Variants in EVC2 observed in about 807,000 individuals in gnomAD.
EVC2 encodes the protein EvC ciliary complex subunit 2.
A neutral mutation model predicts 149.3 loss-of-function variants in EVC2; 148 were observed. The observed-to-expected ratio is 0.99, with a 90% CI of 0.87 to 1.14. The LOEUF (loss-of-function observed/expected upper bound fraction) is 1.14. Ranked by LOEUF, EVC2 falls within the 50% of genes most tolerant of loss-of-function variation. The probability of loss-of-function intolerance (pLI) is 0.00; values close to 1 mark genes in which losing one functional copy is unlikely to be tolerated. For synonymous variants in EVC2, 776 were observed against 649.9 expected (o/e 1.19, Z -2.95); for missense variants, 1,854 against 1,627.3 (o/e 1.14, Z -2.40).
intron 21 of EVC2, among the ~76,000 whole-genome samples, chr4:5,548,178 AGCCAAGCACAGC>A (rs774952933): frequency 1.3e-5 from 2 of 151,990 alleles, no homozygotes; most frequent in Non-Finnish European, 2.9e-5. Context: ...TGGTAGTGTG[AGCCAAGCACAGC>A]CTGCCAGGAC....
At position 5,618,157 on chromosome 4, in the gene EVC2, A is replaced by G. The variant is rs575885272; in HGVS notation, c.2706+321T>C. The stretch of plus-strand genomic sequence containing the variant: ...AGCTGTGGCTGGAGGAGGGGGCAGG[A>G]GAGACAGAGTAATATCTCAGGCCAG... On this transcript the variant is annotated intron_variant, in intron 15 of 21. Transcript: ENST00000344408. This position sits in a 1 kb window ranked among gnomAD's most constrained non-coding sequence, Gnocchi z 4.4. Among the ~76,000 whole-genome samples the G allele has an allele frequency of 6.6e-6, 1 of 152,272 alleles. No homozygotes were observed. Among genetic ancestry groups the G allele is most frequent in the Admixed American group, 6.5e-5 (1 of 15,288 alleles).
At chr4:5,684,540 T>C (rs1445963117) in intron 6 of EVC2, among the ~76,000 whole-genome samples, 1 of 148,232 alleles carries the variant, frequency 6.7e-6, no homozygotes, top group African/African-American at 2.5e-5. Flanking sequence ...ATGATCTCCT[T>C]GAAGTCGGGG....
At chr4:5,537,854 A>G (rs1721448838), downstream of EVC2, among the ~76,000 whole-genome samples, 1 of 152,216 alleles carries the variant, frequency 6.6e-6, no homozygotes, top group African/African-American at 2.4e-5. Flanking sequence ...CAAGTCTATG[A>G]CTTCAGATCC....
intron 1 of EVC2, among the ~76,000 whole-genome samples, chr4:5,700,062 C>G (rs1334324601): frequency 6.6e-6 from 1 of 152,090 alleles, no homozygotes. Flanking sequence ...ATCACTTGAA[C>G]CCAGGAGGCA....
At chr4:5,665,722 A>G in intron 7 of EVC2, 73 bp from the exon 8 acceptor site, 2 of 1,585,324 alleles carry the variant, frequency 1.3e-6, no homozygotes, top group South Asian at 2.3e-5. Context: ...CAGATGATTG[A>G]GTGTCAGAGC....
chr4:5,668,478 C>G (rs1332028072), intron 7 of EVC2, among the ~76,000 whole-genome samples: 1 of 152,168 alleles, frequency 6.6e-6, no homozygotes, highest in African/African-American at 2.4e-5. Flanking sequence ...AAAATGAAAT[C>G]CAAGTACTCC....
chr4:5,601,643 T>C (rs1414572243), intron 16 of EVC2, among the ~76,000 whole-genome samples: 5 of 152,146 alleles, frequency 3.3e-5, no homozygotes, highest in African/African-American at 9.7e-5. Flanking sequence ...GACTTCTAGA[T>C]TGGTCAAACT....
Position 5,641,463 on chromosome 4 carries a change from G to A in EVC2, c.1146-625C>T, listed in dbSNP as rs139446602. Among the ~76,000 whole-genome samples the A allele has an allele frequency of 2.1e-3, 321 of 152,198 alleles. 2 individuals are homozygous for A. The highest frequency in any genetic ancestry group is 7.1e-3 in the African/African-American group (295 of 41,522). On this transcript the variant is annotated intron_variant, in intron 9 of 21. Coordinates refer to ENST00000344408, the MANE Select transcript of EVC2 (RefSeq NM_147127.5). ...ATCTTCTCAATTTTTTTGTAAATCC[G>A]AAACTGCTCTAAAAATAAAGTCTAC...
intron 16 of EVC2, among the ~76,000 whole-genome samples, chr4:5,585,837 A>G (rs955081461): frequency 2.0e-5 from 3 of 151,866 alleles, no homozygotes; most frequent in Admixed American, 1.3e-4. Flanking sequence ...CATACGGTAC[A>G]TATTTTTTTA....
intron 16 of EVC2, among the ~76,000 whole-genome samples, chr4:5,607,585 T>A (rs565284633): frequency 6.6e-6 from 1 of 152,192 alleles, no homozygotes; most frequent in Non-Finnish European, 1.5e-5. Context: ...CCTCCCTTAA[T>A]CCACCAGCTG....
rs181454757 is a variant in EVC2, at chr4:5,645,605, C to T, written c.1146-4767G>A. Reference sequence around the variant, plus strand: ...AAGACATGATCTCACTCTTTTTTAACGGCTGCATAGTATTCCATGGTGTAT... The same window carrying T: ...AAGACATGATCTCACTCTTTTTTAATGGCTGCATAGTATTCCATGGTGTAT... On this transcript the variant is annotated intron_variant, in intron 9 of 21. Coordinates refer to ENST00000344408, the MANE Select transcript of EVC2 (RefSeq NM_147127.5). Among the ~76,000 whole-genome samples, 653 of 152,264 alleles carry T rather than the reference C, an allele frequency of 4.3e-3. 2 individuals are homozygous for T. Among genetic ancestry groups the T allele is most frequent in the Middle Eastern group, 6.8e-3 (2 of 294 alleles).
rs867605179 is a variant in EVC2, at chr4:5,622,928, C to G, written c.2110G>C (p.Gly704Arg). ...CTCCTCTTCTGGTGCAGGTACTGGC[C>G]GGCATCCTCAACCGTTCGGAAGGCC... ...GEAFRTVEDA[G>R]QYLHQKRSLM... Residue 704 changes from glycine to arginine, a missense_variant, in exon 14 of 22, where the codon GGC (glycine) becomes CGC (arginine). Transcript: ENST00000344408. The surrounding 1 kb of genome is among the most constrained non-coding windows in gnomAD (Gnocchi z 5.8). The G allele has an allele frequency of 6.2e-7, 1 of 1,614,056 alleles. No individual in the cohort carries two copies. The highest frequency in any genetic ancestry group is 1.3e-5 in the African/African-American group (1 of 74,918).
At chr4:5,694,239 TA>T in intron 3 of EVC2, 95 bp downstream of exon 3, 2 of 1,335,964 alleles carry the variant, frequency 1.5e-6, no homozygotes, top group Non-Finnish European at 2.1e-6. Context: ...AGGGTTTTTT[TA>T]AGCAACAAAA....
rs1208702644 is a variant in EVC2, at chr4:5,696,182, G to A, written c.283+1411C>T. On this transcript the variant is annotated intron_variant, in intron 2 of 21. Transcript: ENST00000344408. This position sits in a 1 kb window ranked among gnomAD's most constrained non-coding sequence, Gnocchi z 4.1. ...CCTGGGCCAGGGCACAAATGCTTGTGCAGCAAGCAACCAGGACATAAAGTC... is the reference window on the plus strand; with the variant it reads ...CCTGGGCCAGGGCACAAATGCTTGTACAGCAAGCAACCAGGACATAAAGTC... Among the ~76,000 whole-genome samples, 2 of 152,298 alleles carry A rather than the reference G, an allele frequency of 1.3e-5. No individual in the cohort carries two copies. Among genetic ancestry groups the A allele is most frequent in the East Asian group, 1.9e-4 (1 of 5,168 alleles).
At chr4:5,656,827 C>T (rs6842115) in intron 9 of EVC2, among the ~76,000 whole-genome samples, 25,298 of 152,110 alleles carry the variant, frequency 0.17, 2,180 homozygotes, top group African/African-American at 0.2. Context: ...ACCAAGGTTA[C>T]GGTAATTTGT....
intron 7 of EVC2, among the ~76,000 whole-genome samples, chr4:5,680,300 T>C (rs1720255366): frequency 6.6e-6 from 1 of 152,234 alleles, no homozygotes; most frequent in Non-Finnish European, 1.5e-5. Context: ...AGTATTATGT[T>C]TTGTACATAA....
At chr4:5,672,219 C>A (rs1022503956) in intron 7 of EVC2, among the ~76,000 whole-genome samples, 1 of 152,074 alleles carries the variant, frequency 6.6e-6, no homozygotes, top group Non-Finnish European at 1.5e-5. Flanking sequence ...CAGAGGAGAA[C>A]GAGCTGGGCC....
At chr4:5,595,077 C>A (rs995760383) in intron 16 of EVC2, among the ~76,000 whole-genome samples, 39 of 152,096 alleles carry the variant, frequency 2.6e-4, no homozygotes, top group African/African-American at 8.5e-4. Flanking sequence ...GTGAAAAGAC[C>A]AAATGTACGT....
At chr4:5,553,775 T>A (rs867636050) in intron 21 of EVC2, among the ~76,000 whole-genome samples, 3 of 152,158 alleles carry the variant, frequency 2.0e-5, no homozygotes, top group African/African-American at 7.2e-5. Flanking sequence ...TGATCCCAAC[T>A]GACCTCACAG....
Sources: gnomAD v4.1 joint callset for allele counts (sites outside exome capture counted in the v4.1 genomes callset) on GRCh38, gnomAD v4.1.1 for gene constraint, Gnocchi (gnomAD v3.1) non-coding constraint, MANE v1.5 for transcripts, NCBI Gene and HGNC (gene_info 2026-07-23, HGNC 2026-07-21) for gene names.